The following PLEKHG5 variants were observed in gnomAD, a reference collection of about 807,000 sequenced individuals.
The protein encoded by PLEKHG5 is pleckstrin homology domain-containing family G member 5.
PLEKHG5 carries 52 observed loss-of-function variants against 103.8 expected under a neutral mutation model. The ratio of observed to expected loss-of-function variants is 0.50; its 90% confidence interval spans 0.40 to 0.63. The LOEUF is 0.63. PLEKHG5 is among the 30% of genes least tolerant of loss of function. The probability of loss-of-function intolerance (pLI) is 0.00; values close to 1 mark genes in which losing one functional copy is unlikely to be tolerated. For missense variants in PLEKHG5, 1,205 were observed against 1,347.6 expected (o/e 0.89, Z 1.66); for synonymous variants, 592 against 575.5 (o/e 1.03, Z -0.41).
At chr1:6,480,570 G>GACC (rs1557754180) in intron 1 of PLEKHG5, among the ~76,000 whole-genome samples, 2 of 151,366 alleles carry the variant, frequency 1.3e-5, no homozygotes, top group Admixed American at 6.6e-5. Flanking sequence ...GTGAGCTTGC[G>GACC]GTCCTAAGAG....
chr1:6,469,783 C>A, intron 16 of PLEKHG5, 107 bp from the exon 17 acceptor site: 1 of 941,558 alleles, frequency 1.1e-6, no homozygotes, highest in African/African-American at 1.7e-5. Flanking sequence ...AACACTCCTC[C>A]CACCATGAAC....
Position 6,490,359 on chromosome 1 carries a change from CG to C in PLEKHG5, c.-88+1277del. On this transcript the variant is annotated intron_variant, in intron 1 of 20. Coordinates refer to ENST00000377728, the MANE Select transcript of PLEKHG5 (RefSeq NM_020631.6). This position sits in a 1 kb window ranked among gnomAD's most constrained non-coding sequence, Gnocchi z 8.0. ...TGGCACTACGTGGGAATCTCGAATC[CG>C]GGTTCTGTCCATCGGTTTAGGGGGG... The C allele has an allele frequency of 2.7e-6, 2 of 754,298 alleles. No individual in the cohort carries two copies. The highest frequency in any genetic ancestry group is 3.2e-6 in the Non-Finnish European group (2 of 620,228). 46.7% of individuals were successfully genotyped at this position (754,298 alleles called of 1,614,324 possible). A position where few individuals can be genotyped will look rare whatever the true frequency, so the allele number is the denominator to read the frequency against.
intron 1 of PLEKHG5, among the ~76,000 whole-genome samples, chr1:6,481,388 G>T (rs574344495): frequency 5.9e-5 from 9 of 152,134 alleles, no homozygotes; most frequent in Admixed American, 1.3e-4. Context: ...AAAATTAGCT[G>T]GGCATGGTGG....
At position 6,469,255 on chromosome 1, in the gene PLEKHG5, T is replaced by C. The variant is rs765644207; in HGVS notation, c.2050-14A>G. The C allele has an allele frequency of 2.5e-6, 4 of 1,613,950 alleles. No individual in the cohort carries two copies. The South Asian group carries it at 4.4e-5, about 18-fold the overall frequency. The stretch of plus-strand genomic sequence containing the variant: ...TTGCAGCTGGTTCTGCAGGCAAGGT[T>C]GGGGTACATGGGACAGAATGGGTTG... On this transcript the variant is annotated splice_polypyrimidine_tract_variant and intron_variant, in intron 18 of 20. Coordinates refer to ENST00000377728, the MANE Select transcript of PLEKHG5 (RefSeq NM_020631.6).
At chr1:6,476,225 C>T (rs1644762708) in intron 2 of PLEKHG5, among the ~76,000 whole-genome samples, 189 bp from the exon 3 acceptor site, 1 of 152,254 alleles carries the variant, frequency 6.6e-6, no homozygotes, top group Non-Finnish European at 1.5e-5. Flanking sequence ...GGGTCTCACT[C>T]TGTCACCCAG....
In PLEKHG5 at chr1:6,490,714, A is replaced by ACCTCCCTGGCTCC; in HGVS notation, c.-88+922_-88+923insGGAGCCAGGGAGG. On this transcript the variant is annotated intron_variant, in intron 1 of 20. Transcript: ENST00000377728. This position sits in a 1 kb window ranked among gnomAD's most constrained non-coding sequence, Gnocchi z 8.0. ...CCAGGAAGGGCCCCGCGCCGGAGCCAGGGAGGTGGCTGGAGGCCGGGCGGT... is the reference window on the plus strand; with the variant it reads ...CCAGGAAGGGCCCCGCGCCGGAGCCACCTCCCTGGCTCCGGGAGGTGGCTGGAGGCCGGGCGGT... The ACCTCCCTGGCTCC allele has an allele frequency of 1.7e-6, 1 of 584,190 alleles. No individual in the cohort carries two copies. The highest frequency in any genetic ancestry group is 2.2e-6 in the Non-Finnish European group (1 of 464,718). 36.2% of individuals were successfully genotyped at this position (584,190 alleles called of 1,614,324 possible).
At chr1:6,519,463 T>C in exon 1 of PLEKHG5, 1 of 1,613,750 alleles carries the variant, frequency 6.2e-7, no homozygotes, top group Non-Finnish European at 8.5e-7. Flanking sequence ...GAACAAAGGC[T>C]GAGCCAGCTT....
At position 6,487,761 on chromosome 1, in the gene PLEKHG5, C is replaced by A. The variant is rs568255219; in HGVS notation, c.-88+3876G>T. 2.7e-3 allele frequency among the ~76,000 whole-genome samples: 415 copies of A among 152,340 alleles called. 2 individuals carry two copies. The highest frequency in any genetic ancestry group is 9.0e-3 in the African/African-American group (373 of 41,572). On this transcript the variant is annotated intron_variant, in intron 1 of 20. Coordinates refer to ENST00000377728, the MANE Select transcript of PLEKHG5 (RefSeq NM_020631.6). This position sits in a 1 kb window ranked among gnomAD's most constrained non-coding sequence, Gnocchi z 4.1. ...GTTTATTACTACCTGTAATTCATTT[C>A]TTTGTTCACTTTTTTATCATCATTC...
chr1:6,467,809 A>C lies in PLEKHG5; in HGVS notation c.3011+16T>G. ...TGCCCTGAGCCACCTGCCCTACCCC[A>C]GTCCAGGCCACTCACGAGGCAGTGA... On this transcript the variant is annotated intron_variant, in intron 20 of 20. Coordinates refer to ENST00000377728, the MANE Select transcript of PLEKHG5 (RefSeq NM_020631.6). 6.2e-7 allele frequency: 1 copy of C among 1,612,790 alleles called. No individual in the cohort carries two copies. The highest frequency in any genetic ancestry group is 2.2e-5 in the East Asian group (1 of 44,876).
At chr1:6,489,673 G>A (rs1029970349) in intron 1 of PLEKHG5, among the ~76,000 whole-genome samples, 8 of 152,160 alleles carry the variant, frequency 5.3e-5, no homozygotes, top group South Asian at 2.1e-4. Flanking sequence ...GGTAGGGAGC[G>A]GGGGAAAGAG....
At chr1:6,470,436 C>A in intron 15 of PLEKHG5, 70 bp downstream of exon 15, 1 of 1,612,144 alleles carries the variant, frequency 6.2e-7, no homozygotes, top group Non-Finnish European at 8.5e-7. Context: ...AGATGCCCAG[C>A]ACAGCCCCTG....
chr1:6,517,683 G>T (rs1020403501), intron 1 of PLEKHG5, among the ~76,000 whole-genome samples: 1 of 152,148 alleles, frequency 6.6e-6, no homozygotes, highest in East Asian at 1.9e-4. Context: ...TCCATGACTC[G>T]CTGTCAGCTT....
At chr1:6,516,905 TAC>T (rs965278417) in intron 1 of PLEKHG5, among the ~76,000 whole-genome samples, 6 of 9,264 alleles carry the variant, frequency 6.5e-4, no homozygotes, top group African/African-American at 1.1e-3. Flanking sequence ...TATATATATA[TAC>T]ACACACACAC....
exon 1 of PLEKHG5, chr1:6,519,478 G>C (rs757226472): frequency 6.2e-7 from 1 of 1,613,938 alleles, no homozygotes; most frequent in South Asian, 1.1e-5. Flanking sequence ...CAGCTTCGAG[G>C]TGGAGACCCA....
chr1:6,486,627 G>C lies in PLEKHG5; in HGVS notation c.-88+5010C>G, dbSNP rs61174940. On this transcript the variant is annotated intron_variant, in intron 1 of 20. Coordinates refer to ENST00000377728, the MANE Select transcript of PLEKHG5 (RefSeq NM_020631.6). The surrounding 1 kb of genome is among the most constrained non-coding windows in gnomAD (Gnocchi z 5.3). ...GCAGCCCAGGTCCCTGCAGTTCTAG[G>C]CCAGGTCCCCACCGCCAGGGGGCAC... Among the ~76,000 whole-genome samples the C allele has an allele frequency of 6.6e-6, 1 of 152,112 alleles. No homozygotes were observed. Among genetic ancestry groups the C allele is most frequent in the East Asian group, 1.9e-4 (1 of 5,174 alleles).
chr1:6,467,935 C>T lies in PLEKHG5; in HGVS notation c.2901G>A (p.Arg967=), dbSNP rs1175735368. The change falls in exon 20 of 21, where the codon AGG becomes AGA. Residue 967 remains arginine, a synonymous_variant. Transcript: ENST00000377728. Reference sequence around the variant, plus strand: ...CCCCTGGTGGGGGCTCAGGCTGGACCCTGGGAGAGGCCCCCGAGGGCAGGT... The same window carrying T: ...CCCCTGGTGGGGGCTCAGGCTGGACTCTGGGAGAGGCCCCCGAGGGCAGGT... ...CGDLPSGASP[R]VQPEPPPGVS... 3.2e-6 allele frequency: 5 copies of T among 1,586,374 alleles called. No individual in the cohort carries two copies. Among genetic ancestry groups the T allele is most frequent in the Non-Finnish European group, 4.3e-6 (5 of 1,167,644 alleles).
At chr1:6,507,972 C>A (rs1039994587) in intron 1 of PLEKHG5, among the ~76,000 whole-genome samples, 3 of 152,190 alleles carry the variant, frequency 2.0e-5, no homozygotes, top group Non-Finnish European at 4.4e-5. Flanking sequence ...TGTCTCAGAC[C>A]CACCATAGCA....
chr1:6,509,071 C>G (rs1236649564), intron 1 of PLEKHG5, among the ~76,000 whole-genome samples: 2 of 152,224 alleles, frequency 1.3e-5, no homozygotes, highest in African/African-American at 4.8e-5. Context: ...GAGGGCTGCT[C>G]TCCCACAGCC....
At chr1:6,483,340 C>T (rs1452353261) in intron 1 of PLEKHG5, among the ~76,000 whole-genome samples, 4 of 152,194 alleles carry the variant, frequency 2.6e-5, no homozygotes, top group African/African-American at 9.6e-5. Context: ...CACTTCTACA[C>T]CCTTCAGGAG....
Sources: allele counts gnomAD v4.1 joint callset (sites outside exome capture counted in the v4.1 genomes callset), GRCh38; gene constraint gnomAD v4.1.1; non-coding constraint Gnocchi (gnomAD v3.1); transcripts MANE v1.5; gene names NCBI Gene and HGNC (gene_info 2026-07-23, HGNC 2026-07-21).